Variants in CTNNA2 observed in about 807,000 individuals in gnomAD.
The protein encoded by CTNNA2 is catenin alpha-2.
A neutral mutation model predicts 101.0 loss-of-function variants in CTNNA2; 42 were observed. The observed-to-expected ratio is 0.42, with a 90% CI of 0.32 to 0.54. The LOEUF (loss-of-function observed/expected upper bound fraction) is 0.54. Ranked by LOEUF, CTNNA2 falls within the 20% of genes least tolerant of loss-of-function variation. The pLI, the probability that CTNNA2 is intolerant of heterozygous loss-of-function variation, is 0.14. For synonymous variants in CTNNA2, 450 were observed against 456.4 expected (o/e 0.99, Z 0.18); for missense variants, 871 against 1,223.1 (o/e 0.71, Z 4.29).
intron 7 of CTNNA2, among the ~76,000 whole-genome samples, chr2:80,098,351 G>C (rs1700303599): frequency 1.3e-5 from 2 of 152,258 alleles, no homozygotes; most frequent in South Asian, 4.2e-4. Context: ...GCTGCTGCCT[G>C]ATCGTTCCTC....
chr2:79,599,224 T>C (rs757788811), intron 1 of CTNNA2, among the ~76,000 whole-genome samples: 1 of 152,178 alleles, frequency 6.6e-6, no homozygotes, highest in Non-Finnish European at 1.5e-5. Context: ...AGTCTTGAAG[T>C]TGGGTAGTGT....
At chr2:79,724,562 C>T (rs1342154114) in intron 2 of CTNNA2, among the ~76,000 whole-genome samples, 2 of 151,858 alleles carry the variant, frequency 1.3e-5, no homozygotes, top group African/African-American at 2.4e-5. Flanking sequence ...ACGCCTGTAA[C>T]CCCAGTACTT....
At chr2:80,232,345 GTTTTTTTTT>G (rs61454985) in intron 7 of CTNNA2, among the ~76,000 whole-genome samples, 1 of 64,844 alleles carries the variant, frequency 1.5e-5, no homozygotes, top group Admixed American at 1.7e-4. Context: ...TTGTTTGTTT[GTTTTTTTTT>G]TTTTTTTTTT....
At chr2:80,604,468 T>A (rs1178741705) in intron 16 of CTNNA2, among the ~76,000 whole-genome samples, 1 of 151,922 alleles carries the variant, frequency 6.6e-6, no homozygotes, top group East Asian at 1.9e-4. Flanking sequence ...TGTCCCAGGC[T>A]TCCCCATTCA....
chr2:79,827,065 G>A (rs2105404889), intron 3 of CTNNA2, among the ~76,000 whole-genome samples: 1 of 152,114 alleles, frequency 6.6e-6, no homozygotes, highest in Middle Eastern at 3.4e-3. Context: ...TTGAGGCAAA[G>A]TCCCACTCTG....
chr2:80,566,620 G>A (rs1694085566), intron 12 of CTNNA2, among the ~76,000 whole-genome samples: 1 of 152,176 alleles, frequency 6.6e-6, no homozygotes, highest in Non-Finnish European at 1.5e-5. Flanking sequence ...ATCCACTGAG[G>A]CAATATGAAG....
At chr2:80,428,700 G>C (rs1475633660) in intron 9 of CTNNA2, among the ~76,000 whole-genome samples, 1 of 152,084 alleles carries the variant, frequency 6.6e-6, no homozygotes, top group Non-Finnish European at 1.5e-5. Context: ...TAAGAGTTTT[G>C]TATGTTCCAG....
intron 3 of CTNNA2, among the ~76,000 whole-genome samples, chr2:79,793,053 T>G (rs1030455186): frequency 6.6e-6 from 1 of 152,166 alleles, no homozygotes; most frequent in Non-Finnish European, 1.5e-5. Flanking sequence ...TTGGATGGTA[T>G]GTATGTTTAG....
chr2:79,727,784 G>A (rs1291639820), intron 2 of CTNNA2, among the ~76,000 whole-genome samples: 1 of 135,070 alleles, frequency 7.4e-6, no homozygotes, highest in Non-Finnish European at 1.5e-5. Context: ...GTGTCCATGT[G>A]TTCTCATTGT....
chr2:79,723,781 G>T (rs1439003576), intron 2 of CTNNA2, among the ~76,000 whole-genome samples: 1 of 152,106 alleles, frequency 6.6e-6, no homozygotes, highest in African/African-American at 2.4e-5. Flanking sequence ...TCGATTTTTA[G>T]AACTGATCTT....
intron 4 of CTNNA2, among the ~76,000 whole-genome samples, chr2:79,462,646 C>T (rs1670892172): frequency 6.6e-6 from 1 of 152,170 alleles, no homozygotes; most frequent in Non-Finnish European, 1.5e-5. Context: ...AGCATAGTAC[C>T]TGCTGCAGAT....
intron 17 of CTNNA2, among the ~76,000 whole-genome samples, chr2:80,618,283 A>AT (rs906055116): frequency 2.0e-5 from 3 of 151,914 alleles, no homozygotes; most frequent in African/African-American, 7.2e-5. Context: ...GTGACAGTGC[A>AT]TTTTTTTATG....
chr2:79,880,746 T>C (rs1683365412), intron 6 of CTNNA2, among the ~76,000 whole-genome samples: 1 of 152,184 alleles, frequency 6.6e-6, no homozygotes, highest in Non-Finnish European at 1.5e-5. Flanking sequence ...TTATCTATTA[T>C]GTTATTTTTT....
chr2:79,394,653 T>C (rs573485725), intron 4 of CTNNA2, among the ~76,000 whole-genome samples: 1 of 152,318 alleles, frequency 6.6e-6, no homozygotes, highest in African/African-American at 2.4e-5. Flanking sequence ...AGTACCCTTC[T>C]GACCCTGCAG....
chr2:79,784,891 C>G (rs1238051845), intron 3 of CTNNA2, among the ~76,000 whole-genome samples: 1 of 151,976 alleles, frequency 6.6e-6, no homozygotes, highest in African/African-American at 2.4e-5. Context: ...CTTACTTATG[C>G]TATTAGAAGT....
intron 1 of CTNNA2, among the ~76,000 whole-genome samples, chr2:79,546,214 C>G (rs972672746): frequency 1.3e-5 from 2 of 152,130 alleles, no homozygotes; most frequent in Admixed American, 6.6e-5. Context: ...GGCACATACT[C>G]TCACTCAGAT....
Position 79,817,774 on chromosome 2 carries a change from T to C in CTNNA2, c.299-40239T>C, listed in dbSNP as rs550388260. Among the ~76,000 whole-genome samples, 17 of 152,300 alleles carry C rather than the reference T, an allele frequency of 1.1e-4. No homozygotes were observed. In the South Asian group the frequency reaches 1.2e-3, roughly 11 times the overall value. ...GCAGGAGACAAATAAACAGGTAACTTGACTAAAGGACAGAATATTAATGAC... is the reference window on the plus strand; with the variant it reads ...GCAGGAGACAAATAAACAGGTAACTCGACTAAAGGACAGAATATTAATGAC... On this transcript the variant is annotated intron_variant, in intron 3 of 18. Coordinates refer to ENST00000402739, the MANE Select transcript of CTNNA2 (RefSeq NM_001282597.3).
intron 7 of CTNNA2, among the ~76,000 whole-genome samples, chr2:80,092,266 A>T (rs1699837001): frequency 6.6e-6 from 1 of 152,160 alleles, no homozygotes; most frequent in African/African-American, 2.4e-5. Flanking sequence ...GTTGTATAGC[A>T]AATATTTGTC....
intron 3 of CTNNA2, among the ~76,000 whole-genome samples, chr2:79,821,665 A>G (rs1378484691): frequency 6.6e-6 from 1 of 152,236 alleles, no homozygotes; most frequent in East Asian, 1.9e-4. Context: ...ATTTGGCAAG[A>G]GAGGAATACA....
Sources: gnomAD v4.1 joint callset for allele counts (sites outside exome capture counted in the v4.1 genomes callset) on GRCh38, gnomAD v4.1.1 for gene constraint, MANE v1.5 for transcripts, NCBI Gene and HGNC (gene_info 2026-07-23, HGNC 2026-07-21) for gene names.